MMP9: variants seen among roughly 807,000 people sequenced by gnomAD.
The protein encoded by MMP9 is matrix metalloproteinase-9.
A neutral mutation model predicts 76.4 loss-of-function variants in MMP9; 73 were observed. That is an observed-to-expected ratio of 0.96 (90% CI 0.79 to 1.16). The LOEUF is 1.16. Ranked by LOEUF, MMP9 falls within the 50% of genes most tolerant of loss-of-function variation. MMP9 has a pLI of 0.00. For missense variants in MMP9, 943 were observed against 973.0 expected (o/e 0.97, Z 0.41); for synonymous variants, 412 against 408.4 (o/e 1.01, Z -0.11).
At chr20:46,014,343 C>G in intron 11 of MMP9, 28 bp from the exon 12 acceptor site, 1 of 1,544,652 alleles carries the variant, frequency 6.5e-7, no homozygotes, top group Non-Finnish European at 8.7e-7. Flanking sequence ...GCCGGCTCAG[C>G]ACCTGTCTCC....
At position 46,016,421 on chromosome 20, in the gene MMP9, T is replaced by C; in HGVS notation, c.*53T>C. ...TGTAAATCCCCACTGGGACCAACCC[T>C]GGGGAAGGAGCCAGTTTGCCGGATA... On this transcript the variant is annotated 3_prime_UTR_variant, in exon 13 of 13. Coordinates refer to ENST00000372330, the MANE Select transcript of MMP9 (RefSeq NM_004994.3). 1 of 1,450,530 alleles carries C rather than the reference T, an allele frequency of 6.9e-7. No homozygotes were observed. Among genetic ancestry groups the C allele is most frequent in the Non-Finnish European group, 9.7e-7 (1 of 1,031,268 alleles). The allele number at this position is 1,450,530 out of a possible 1,614,324, so 89.9% of individuals were successfully genotyped here. A position where few individuals can be genotyped will look rare whatever the true frequency, so the allele number is the denominator to read the frequency against.
Position 46,010,333 on chromosome 20 carries a change from A to AAAAAAAAAAAAAAAAC in MMP9, c.372-142_372-141insAAAAAAACAAAAAAAA, listed in dbSNP as rs796972949. ...GGGTCTAAGTAGACAAAAAAAAAAA[A>AAAAAAAAAAAAAAAAC]AAAAAAAACAGTCTGGAAGCAATTT... On this transcript the variant is annotated intron_variant, in intron 2 of 12. Coordinates refer to ENST00000372330, the MANE Select transcript of MMP9 (RefSeq NM_004994.3). 3.3e-5 allele frequency: 27 copies of AAAAAAAAAAAAAAAAC among 828,880 alleles called. 1 individual carries two copies. The African/African-American group carries it at 3.7e-4, about 11-fold the overall frequency. 51.3% of individuals were successfully genotyped at this position (828,880 alleles called of 1,614,324 possible).
intron 11 of MMP9, 27 bp downstream of exon 11, chr20:46,014,301 G>C: frequency 6.5e-7 from 1 of 1,535,112 alleles, no homozygotes; most frequent in Non-Finnish European, 8.7e-7. Flanking sequence ...CCGCCGGCAG[G>C]GGGAGCCCGG....
intron 6 of MMP9, 151 bp downstream of exon 6, chr20:46,011,898 C>A: frequency 9.0e-7 from 1 of 1,113,254 alleles, no homozygotes; most frequent in Non-Finnish European, 1.3e-6. Context: ...ACATTTCCAC[C>A]ACTATCCCTG....
rs1242834383 is a variant in MMP9, at chr20:46,010,323, A to C, written c.372-160A>C. Among the ~76,000 whole-genome samples, 13 of 111,668 alleles carry C rather than the reference A, an allele frequency of 1.2e-4. No homozygotes were observed. The East Asian group carries it at 7.1e-3, about 61-fold the overall frequency. 73.3% of individuals were successfully genotyped at this position (111,668 alleles called of 152,430 possible). A position where few individuals can be genotyped will look rare whatever the true frequency, so the allele number is the denominator to read the frequency against. On this transcript the variant is annotated intron_variant, in intron 2 of 12. Transcript: ENST00000372330. ...GCCATTGTGAGGGTCTAAGTAGACA[A>C]AAAAAAAAAAAAAAAAAACAGTCTG... is the stretch of plus-strand genomic sequence containing the variant.
rs199711234 is a variant in MMP9 at position 46,010,110 on chromosome 20, C to T, written c.371+12C>T. ...AACATCACCTATTGGTGAGCCGGGG[C>T]CGTGGGGGCAGCGGGGTGGGGCGGG... is the stretch of plus-strand genomic sequence containing the variant. On this transcript the variant is annotated intron_variant, in intron 2 of 12. Transcript: ENST00000372330. 1.8e-4 allele frequency: 276 copies of T among 1,541,392 alleles called. 4 individuals carry two copies. The South Asian group carries it at 3.2e-3, about 18-fold the overall frequency.
rs1377345114 is a variant in MMP9 at position 46,013,888 on chromosome 20, C to T, written c.1750+92C>T. On this transcript the variant is annotated intron_variant, in intron 10 of 12. Transcript: ENST00000372330. This position sits in a 1 kb window ranked among gnomAD's most constrained non-coding sequence, Gnocchi z 4.5. Reference sequence around the variant, plus strand: ...TCGATAACCCACGAAACGTCTTGTGCGTTTTAGAAAAATACGCCCCCTGGC... The same window carrying T: ...TCGATAACCCACGAAACGTCTTGTGTGTTTTAGAAAAATACGCCCCCTGGC... 1.9e-6 allele frequency: 3 copies of T among 1,556,878 alleles called. No individual in the cohort carries two copies. Among genetic ancestry groups the T allele is most frequent in the African/African-American group, 2.7e-5 (2 of 73,446 alleles).
chr20:46,013,635 C>T lies in MMP9; in HGVS notation c.1611-22C>T, dbSNP rs758158592. ...CTGTGTCCAAGGCTTAGAGCCCGTC[C>T]TTTCCCTCCTCGCTTTCTCAGGAAG... On this transcript the variant is annotated intron_variant, in intron 9 of 12. Transcript: ENST00000372330. This position sits in a 1 kb window ranked among gnomAD's most constrained non-coding sequence, Gnocchi z 4.5. 8.1e-6 allele frequency: 13 copies of T among 1,613,964 alleles called. No individual in the cohort carries two copies. In the East Asian group the frequency reaches 2.0e-4, roughly 25 times the overall value.
In MMP9 at chr20:46,010,334, A is replaced by AACAAACAAACAAAC. The variant is rs753339495; in HGVS notation, c.372-148_372-147insCAAACAAACAAACA. ...GGTCTAAGTAGACAAAAAAAAAAAA[A>AACAAACAAACAAAC]AAAAAAACAGTCTGGAAGCAATTTA... On this transcript the variant is annotated intron_variant, in intron 2 of 12. Transcript: ENST00000372330. 174 of 518,184 alleles carry AACAAACAAACAAAC rather than the reference A, an allele frequency of 3.4e-4. 10 individuals are homozygous for AACAAACAAACAAAC. Among genetic ancestry groups the AACAAACAAACAAAC allele is most frequent in the Middle Eastern group, 1.6e-3 (4 of 2,446 alleles). The allele number at this position is 518,184 out of a possible 1,614,324, so 32.1% of individuals were successfully genotyped here.
Position 46,013,534 on chromosome 20 carries a change from G to A in MMP9, c.1610G>A (p.Gly537Glu), listed in dbSNP as rs1420821532. 1 of 1,613,850 alleles carries A rather than the reference G, an allele frequency of 6.2e-7. No individual in the cohort carries two copies. The highest frequency in any genetic ancestry group is 8.5e-7 in the Non-Finnish European group (1 of 1,179,842). The change falls in exon 9 of 13, where the codon GGG becomes GAG. Residue 537 changes from glycine to glutamate, a missense_variant and splice_region_variant. By Grantham distance (98) the Gly-to-Glu change is moderately conservative. Coordinates refer to ENST00000372330, the MANE Select transcript of MMP9 (RefSeq NM_004994.3). This position sits in a 1 kb window ranked among gnomAD's most constrained non-coding sequence, Gnocchi z 4.5. ...AACCAGCTGTATTTGTTCAAGGATG[G>A]GTGAGGAGGCGGGGTTGTGTGGATG... The part of the protein sequence containing the change: ...IGNQLYLFKD[G>E]KYWRFSEGRG...
rs759701513 is a variant in MMP9, at chr20:46,013,478, G to GA, written c.1556dup (p.Asn519LysfsTer26). On this transcript the variant is annotated frameshift_variant, in exon 9 of 13. Coordinates refer to ENST00000372330, the MANE Select transcript of MMP9 (RefSeq NM_004994.3). LOFTEE classifies it high-confidence loss of function. The surrounding 1 kb of genome is among the most constrained non-coding windows in gnomAD (Gnocchi z 4.5). ...GTCCGGTGGACGATGCCTGCAACGT[G>GA]AACATCTTCGACGCCATCGCGGAGA... 3 of 1,614,120 alleles carry GA rather than the reference G, an allele frequency of 1.9e-6. No homozygotes were observed. In the South Asian group the frequency reaches 3.3e-5, roughly 18 times the overall value.
chr20:46,012,055 T>C lies in MMP9; in HGVS notation c.998-82T>C, dbSNP rs2084283484. On this transcript the variant is annotated intron_variant, in intron 6 of 12. Transcript: ENST00000372330. ...ACAGCGCCCCCTAGGCCACCAAGAT[T>C]GTTTAGCTCCCTGTCGGGTCGGCCC... 3 of 1,555,658 alleles carry C rather than the reference T, an allele frequency of 1.9e-6. No individual in the cohort carries two copies. The African/African-American group carries it at 4.1e-5, about 21-fold the overall frequency.
chr20:46,013,957 C>G lies in MMP9; in HGVS notation c.1750+161C>G. The G allele has an allele frequency of 7.2e-7, 1 of 1,380,466 alleles. No individual in the cohort carries two copies. The highest frequency in any genetic ancestry group is 9.8e-7 in the Non-Finnish European group (1 of 1,016,278). The allele number at this position is 1,380,466 out of a possible 1,614,324, so 85.5% of individuals were successfully genotyped here. ...GTAGGGGCGGCTGAGTTTCTGCCCC[C>G]TCCTCTCCACGCCCTCGCGTCGCTC... is the stretch of plus-strand genomic sequence containing the variant. On this transcript the variant is annotated intron_variant, in intron 10 of 12. Coordinates refer to ENST00000372330, the MANE Select transcript of MMP9 (RefSeq NM_004994.3). The surrounding 1 kb of genome is among the most constrained non-coding windows in gnomAD (Gnocchi z 4.5).
chr20:46,015,446 CTTTTTTCT>C (rs1053574668), intron 12 of MMP9, among the ~76,000 whole-genome samples: 2 of 134,694 alleles, frequency 1.5e-5, no homozygotes, highest in African/African-American at 5.7e-5. Flanking sequence ...CTTTTTTTTT[CTTTTTTCT>C]TTTTTTTTTT....
At position 46,011,493 on chromosome 20, in the gene MMP9, G is replaced by C. The variant is rs2084278193; in HGVS notation, c.824-81G>C. ...TGGGATGAACTGCAGACCATCCATG[G>C]GTCAAAGAACAGGACACACTTGGGG... On this transcript the variant is annotated intron_variant, in intron 5 of 12. Transcript: ENST00000372330. 4.4e-6 allele frequency: 7 copies of C among 1,591,884 alleles called. No homozygotes were observed. The South Asian group carries it at 7.7e-5, about 18-fold the overall frequency.
rs762936205 is a variant in MMP9, at chr20:46,011,155, G to A, written c.662G>A (p.Arg221Gln). The A allele has an allele frequency of 6.2e-6, 10 of 1,613,972 alleles. No individual in the cohort carries two copies. The highest frequency in any genetic ancestry group is 1.3e-5 in the African/African-American group (1 of 74,926). ...CCTCCTCCTGCAGTGGTTCCAACTC[G>A]GTTTGGAAACGCAGATGGCGCGGCC... The part of the protein sequence containing the change: ...SLGKGVVVPT[R>Q]FGNADGAACH... The change falls in exon 5 of 13, where the codon CGG (arginine) becomes CAG (glutamine). Residue 221 changes from arginine (R) to glutamine (Q), a missense_variant. Physicochemically the swap from Arg to Gln is conservative, Grantham distance 43. Coordinates refer to ENST00000372330, the MANE Select transcript of MMP9 (RefSeq NM_004994.3).
Position 46,011,231 on chromosome 20 carries a change from C to A in MMP9, c.738C>A (p.Thr246=). 3 of 1,613,306 alleles carry A rather than the reference C, an allele frequency of 1.9e-6. No homozygotes were observed. Among genetic ancestry groups the A allele is most frequent in the Non-Finnish European group, 2.5e-6 (3 of 1,179,902 alleles). ...FEGRSYSACT[T]DGRSDGLPWC... is the part of the protein sequence containing the mutation. ...GCCGCTCCTACTCTGCCTGCACCACCGACGGTCGCTCCGACGGCTTGCCCT... is the reference window on the plus strand; with the variant it reads ...GCCGCTCCTACTCTGCCTGCACCACAGACGGTCGCTCCGACGGCTTGCCCT... Residue 246 remains threonine, a synonymous_variant, in exon 5 of 13, where the codon ACC becomes ACA. Coordinates refer to ENST00000372330, the MANE Select transcript of MMP9 (RefSeq NM_004994.3).
Position 46,012,597 on chromosome 20 carries a change from G to A in MMP9, c.1330+15G>A. 6.2e-7 allele frequency: 1 copy of A among 1,613,084 alleles called. No individual in the cohort carries two copies. The highest frequency in any genetic ancestry group is 8.5e-7 in the Non-Finnish European group (1 of 1,179,936). ...GCACCTCTATGGTGAGGCAGGGGCA[G>A]GGATGGGAGGAGGAGGGGAAAGGGC... is the stretch of plus-strand genomic sequence containing the variant. On this transcript the variant is annotated intron_variant, in intron 8 of 12. Coordinates refer to ENST00000372330, the MANE Select transcript of MMP9 (RefSeq NM_004994.3).
chr20:46,010,333 A>AACAAAAAAAAAAAAAAC, intron 2 of MMP9, 150 bp from the exon 3 acceptor site: 1 of 827,760 alleles, frequency 1.2e-6, no homozygotes, highest in African/African-American at 2.2e-5. Context: ...AAAAAAAAAA[A>AACAAAAAAAAAAAAAAC]AAAAAAAACA....
Sources: gnomAD v4.1 joint callset for allele counts (sites outside exome capture counted in the v4.1 genomes callset) on GRCh38, gnomAD v4.1.1 for gene constraint, Gnocchi (gnomAD v3.1) non-coding constraint, MANE v1.5 for transcripts, NCBI Gene and HGNC (gene_info 2026-07-23, HGNC 2026-07-21) for gene names.